Variants in GTF3C3 observed in about 807,000 individuals in gnomAD.
GTF3C3 encodes general transcription factor 3C polypeptide 3.
Under a neutral mutation model 105.2 loss-of-function variants are expected in GTF3C3, and 75 were observed. The ratio of observed to expected loss-of-function variants is 0.71; its 90% CI spans 0.59 to 0.86. GTF3C3 has a LOEUF of 0.86. GTF3C3 is among the 40% of genes least tolerant of loss of function. GTF3C3 has a pLI of 0.00. For missense variants in GTF3C3, 856 were observed against 1,076.5 expected, an observed-to-expected ratio of 0.80 and a Z score of 2.87; for synonymous variants, 335 against 370.4, an observed-to-expected ratio of 0.90 and a Z score of 1.10.
chr2:196,775,094 A>G, intron 13 of GTF3C3, 22 bp downstream of exon 13: 1 of 1,600,640 alleles, frequency 6.2e-7, no homozygotes, highest in South Asian at 1.1e-5. Context: ...TTTATATAAC[A>G]TAATGCAAAT....
intron 16 of GTF3C3, among the ~76,000 whole-genome samples, chr2:196,767,260 G>C (rs1445368644): frequency 6.6e-6 from 1 of 152,144 alleles, no homozygotes; most frequent in African/African-American, 2.4e-5. Context: ...CAAAGACTAT[G>C]GAGAAACTAT....
chr2:196,763,866 T>G lies in GTF3C3; in HGVS notation c.*697A>C, dbSNP rs1699013113. ...TACGTACTACTTGCCCAGTCTTATA[T>G]TACTTGTGATCTTGAAATGGAAACC... On this transcript the variant is annotated 3_prime_UTR_variant, in exon 18 of 18. Transcript: ENST00000263956. 6.6e-6 allele frequency: 1 copy of G among 152,238 alleles called. No individual in the cohort carries two copies. Among genetic ancestry groups the G allele is most frequent in the Admixed American group, 6.5e-5 (1 of 15,290 alleles). The allele number at this position is 152,238 out of a possible 1,614,324, so 9.4% of individuals were successfully genotyped here.
At chr2:196,792,645 T>C (rs1224602807) in intron 3 of GTF3C3, among the ~76,000 whole-genome samples, 1 of 152,184 alleles carries the variant, frequency 6.6e-6, no homozygotes, top group African/African-American at 2.4e-5. Context: ...TTGTACTGTA[T>C]TTAATTTTTT....
At chr2:196,771,453 TAGTA>T (rs1233441036) in intron 15 of GTF3C3, among the ~76,000 whole-genome samples, 78 of 152,236 alleles carry the variant, frequency 5.1e-4, no homozygotes, top group African/African-American at 1.9e-3. Context: ...AACCAAAGCT[TAGTA>T]AGAATAACAA....
intron 6 of GTF3C3, 48 bp downstream of exon 6, chr2:196,789,156 A>G: frequency 1.4e-6 from 2 of 1,461,156 alleles, no homozygotes; most frequent in Non-Finnish European, 1.9e-6. Flanking sequence ...TTTGATTTGC[A>G]AAACAAGATT....
intron 8 of GTF3C3, among the ~76,000 whole-genome samples, chr2:196,781,959 T>C (rs993310141): frequency 2.0e-5 from 3 of 152,220 alleles, no homozygotes; most frequent in Non-Finnish European, 2.9e-5. Context: ...AATGAGCCTT[T>C]TTCTTTACTA....
chr2:196,785,354 T>C, intron 7 of GTF3C3, 87 bp downstream of exon 7: 2 of 1,037,766 alleles, frequency 1.9e-6, no homozygotes, highest in South Asian at 1.9e-5. Flanking sequence ...ATAATTTAAC[T>C]AAAACGAAGA....
At chr2:196,770,133 T>A in intron 15 of GTF3C3, 94 bp from the exon 16 acceptor site, 1 of 1,075,638 alleles carries the variant, frequency 9.3e-7, no homozygotes, top group Non-Finnish European at 1.3e-6. Context: ...GATTTTAACA[T>A]ACATAAGGTG....
intron 10 of GTF3C3, chr2:196,777,562 C>T (rs1425777263): frequency 2.6e-5 from 4 of 152,124 alleles, no homozygotes; most frequent in Admixed American, 6.5e-5. Context: ...CTCTCCTGAC[C>T]ATCATCTTTA....
intron 10 of GTF3C3, among the ~76,000 whole-genome samples, chr2:196,777,057 G>C (rs1699271949): frequency 6.6e-6 from 1 of 152,186 alleles, no homozygotes; most frequent in Non-Finnish European, 1.5e-5. Flanking sequence ...CCACAGGTAT[G>C]TTTTATTAGC....
intron 8 of GTF3C3, among the ~76,000 whole-genome samples, chr2:196,781,357 A>AAAAATATATATATATATAT: frequency 5.3e-5 from 1 of 18,822 alleles, no homozygotes; most frequent in Non-Finnish European, 1.5e-4. Flanking sequence ...AAAAAAAAAA[A>AAAAATATATATATATATAT]ATATATATAT....
intron 2 of GTF3C3, among the ~76,000 whole-genome samples, chr2:196,794,064 A>G (rs1699597175): frequency 6.6e-6 from 1 of 152,268 alleles, no homozygotes; most frequent in South Asian, 2.1e-4. Context: ...AGATTAATCC[A>G]TTCATGATTT....
At chr2:196,767,965 C>T (rs574968820) in intron 16 of GTF3C3, among the ~76,000 whole-genome samples, 46 of 152,310 alleles carry the variant, frequency 3.0e-4, no homozygotes, top group African/African-American at 1.1e-3. Context: ...TGGGTAGCCA[C>T]TTTGTAGGTA....
intron 13 of GTF3C3, chr2:196,773,818 T>C (rs750034611): frequency 4.2e-6 from 1 of 239,532 alleles, no homozygotes; most frequent in Non-Finnish European, 8.8e-6. Flanking sequence ...CAGTTTACAA[T>C]AGGGTTTGCA....
intron 2 of GTF3C3, among the ~76,000 whole-genome samples, chr2:196,795,055 T>A (rs1002073104): frequency 1.3e-5 from 2 of 151,406 alleles, no homozygotes; most frequent in African/African-American, 4.9e-5. Context: ...TTGTTTTGTT[T>A]TTTTTAGACA....
intron 4 of GTF3C3, among the ~76,000 whole-genome samples, chr2:196,790,407 GC>G (rs1274170816): frequency 6.6e-6 from 1 of 152,100 alleles, no homozygotes; most frequent in Non-Finnish European, 1.5e-5. Flanking sequence ...ATAAACACCA[GC>G]CACATCAGTG....
At chr2:196,796,408 T>C (rs922530624) in intron 2 of GTF3C3, among the ~76,000 whole-genome samples, 7 of 152,172 alleles carry the variant, frequency 4.6e-5, no homozygotes, top group African/African-American at 1.4e-4. Context: ...GCTGCTATAG[T>C]AGCAACTTAA....
intron 16 of GTF3C3, among the ~76,000 whole-genome samples, chr2:196,769,022 G>A (rs1003190360): frequency 6.6e-6 from 1 of 152,036 alleles, no homozygotes; most frequent in African/African-American, 2.4e-5. Flanking sequence ...ATCCATTAAG[G>A]AAGAAAAAGA....
At position 196,764,441 on chromosome 2, in the gene GTF3C3, T is replaced by G; in HGVS notation, c.*122A>C. On this transcript the variant is annotated 3_prime_UTR_variant, in exon 18 of 18. Transcript: ENST00000263956. Reference sequence around the variant, plus strand: ...TATCACATATTAAAAATAAATACACTGTTTGTTAGGTAATTCTGAAATTGT... The same window carrying G: ...TATCACATATTAAAAATAAATACACGGTTTGTTAGGTAATTCTGAAATTGT... 1 of 867,416 alleles carries G rather than the reference T, an allele frequency of 1.2e-6. No individual in the cohort carries two copies. The highest frequency in any genetic ancestry group is 1.7e-6 in the Non-Finnish European group (1 of 587,808). The allele number at this position is 867,416 out of a possible 1,614,324, so 53.7% of individuals were successfully genotyped here.
Sources: allele counts gnomAD v4.1 joint callset (sites outside exome capture counted in the v4.1 genomes callset), GRCh38; gene constraint gnomAD v4.1.1; transcripts MANE v1.5; gene names NCBI Gene and HGNC (gene_info 2026-07-23, HGNC 2026-07-21).